KIF27: variants seen among roughly 807,000 people sequenced by gnomAD.
KIF27 encodes kinesin family member 27, also known as kinesin-like protein KIF27.
In KIF27, 84 loss-of-function variants were observed where a neutral mutation model predicts 141.8. The observed-to-expected ratio is 0.59, with a 90% CI of 0.50 to 0.71. KIF27 has a LOEUF of 0.71. Among genes scored for constraint, KIF27 ranks in the 30% least tolerant of loss-of-function variants. The probability of loss-of-function intolerance (pLI) is 0.00; values close to 1 mark genes in which losing one functional copy is unlikely to be tolerated. For synonymous variants in KIF27, 471 were observed against 569.5 expected (o/e 0.83, Z 2.46); for missense variants, 1,306 against 1,628.4 (o/e 0.80, Z 3.41).
chr9:83,916,967 ACT>A (rs1955757833), intron 1 of KIF27, among the ~76,000 whole-genome samples: 1 of 149,612 alleles, frequency 6.7e-6, no homozygotes, highest in East Asian at 2.0e-4. Flanking sequence ...ACGACAGAAC[ACT>A]CTTTTTTTTT....
intron 3 of KIF27, among the ~76,000 whole-genome samples, chr9:83,904,553 T>C (rs1954294270): frequency 6.6e-6 from 1 of 152,080 alleles, no homozygotes; most frequent in South Asian, 2.1e-4. Flanking sequence ...GTATTTTTAG[T>C]AGAGATGGGG....
At chr9:83,846,861 C>T (rs1947346503) in intron 16 of KIF27, among the ~76,000 whole-genome samples, 1 of 152,132 alleles carries the variant, frequency 6.6e-6, no homozygotes, top group Admixed American at 6.5e-5. Flanking sequence ...ACTTTGGGCT[C>T]CACCTACCGT....
intron 11 of KIF27, among the ~76,000 whole-genome samples, chr9:83,873,905 A>T (rs1950998065): frequency 6.6e-6 from 1 of 152,078 alleles, no homozygotes; most frequent in Admixed American, 6.6e-5. Flanking sequence ...CAAAAAAATT[A>T]GCCGGGTGTG....
intron 15 of KIF27, 35 bp from the exon 16 acceptor site, chr9:83,850,332 C>G: frequency 8.0e-7 from 1 of 1,255,620 alleles, no homozygotes; most frequent in East Asian, 2.3e-5. Context: ...TTAAGTGTGT[C>G]TTAGATAAGC....
At chr9:83,901,816 T>A (rs942487674) in intron 4 of KIF27, among the ~76,000 whole-genome samples, 3 of 151,750 alleles carry the variant, frequency 2.0e-5, no homozygotes, top group Non-Finnish European at 4.4e-5. Flanking sequence ...GAGGTTGCAG[T>A]GAGCCAAGAT....
chr9:83,899,305 C>T (rs1953602648), intron 5 of KIF27, among the ~76,000 whole-genome samples: 1 of 152,130 alleles, frequency 6.6e-6, no homozygotes, highest in South Asian at 2.1e-4. Context: ...TAATTTAATA[C>T]ATTTTAAAGT....
At chr9:83,854,174 T>C (rs1475808637) in intron 14 of KIF27, among the ~76,000 whole-genome samples, 2 of 152,198 alleles carry the variant, frequency 1.3e-5, no homozygotes, top group African/African-American at 2.4e-5. Flanking sequence ...CCACGGAATA[T>C]ACTTGAACAA....
intron 14 of KIF27, 124 bp from the exon 15 acceptor site, chr9:83,853,959 A>G (rs961351656): frequency 4.1e-6 from 3 of 739,912 alleles, no homozygotes; most frequent in South Asian, 1.8e-5. Flanking sequence ...AGATTTTAAG[A>G]AAATGTTTTT....
chr9:83,880,248 C>A (rs199650945), intron 11 of KIF27, 49 bp downstream of exon 11: 2 of 1,611,210 alleles, frequency 1.2e-6, no homozygotes, highest in Non-Finnish European at 1.7e-6. Context: ...TAGCTCTGAG[C>A]CGTTTAACAT....
chr9:83,918,330 G>GT (rs567699114), intron 1 of KIF27, among the ~76,000 whole-genome samples: 1 of 144,478 alleles, frequency 6.9e-6, no homozygotes, highest in Non-Finnish European at 1.5e-5. Flanking sequence ...AAATGGGGGG[G>GT]GGGCAGGACA....
At chr9:83,894,517 C>G (rs190094647) in intron 5 of KIF27, among the ~76,000 whole-genome samples, 414 of 152,304 alleles carry the variant, frequency 2.7e-3, no homozygotes, top group African/African-American at 6.6e-3. Flanking sequence ...GTGGTTTATG[C>G]TGTACACCTG....
At chr9:83,861,212 G>C (rs1381643252) in intron 13 of KIF27, among the ~76,000 whole-genome samples, 2 of 150,740 alleles carry the variant, frequency 1.3e-5, no homozygotes, top group African/African-American at 4.9e-5. Context: ...TAAGTTCTAG[G>C]GTACATGTGC....
Position 83,891,386 on chromosome 9 carries a change from G to A in KIF27, c.1718C>T (p.Ala573Val). ...ATATGGTCTCCTTTCAGGGATCCTG[G>A]CATCTGGCCCATCTCCACAATTTTC... ...AKENCGDGPDARIPERRPYTV... is the reference protein window; with the variant it reads ...AKENCGDGPDVRIPERRPYTV... Residue 573 changes from alanine to valine, a missense_variant, in exon 6 of 18, where the codon GCC becomes GTC. Ala to Val is a moderately conservative substitution (Grantham distance 64). This residue lies in a region of KIF27 where 596 missense variants were observed against 751.6 expected (regional missense o/e 0.79). Coordinates refer to ENST00000297814, the MANE Select transcript of KIF27 (RefSeq NM_017576.4). The A allele has an allele frequency of 6.2e-7, 1 of 1,613,830 alleles. No individual in the cohort carries two copies. The highest frequency in any genetic ancestry group is 8.5e-7 in the Non-Finnish European group (1 of 1,179,836).
intron 17 of KIF27, among the ~76,000 whole-genome samples, chr9:83,840,726 T>C (rs1253655064): frequency 2.0e-5 from 3 of 152,242 alleles, no homozygotes; most frequent in South Asian, 2.1e-4. Flanking sequence ...TTTAGCTATA[T>C]ATAGCAGACA....
chr9:83,870,727 T>C, intron 11 of KIF27, 95 bp from the exon 12 acceptor site: 1 of 1,272,548 alleles, frequency 7.9e-7, no homozygotes, highest in Non-Finnish European at 1.0e-6. Flanking sequence ...TTTTTTTTTT[T>C]GGAGACAAGC....
intron 11 of KIF27, among the ~76,000 whole-genome samples, chr9:83,872,012 T>C (rs1391322324): frequency 6.7e-6 from 1 of 148,820 alleles, no homozygotes; most frequent in African/African-American, 2.5e-5. Flanking sequence ...TCCATCCACA[T>C]CTTAAGGGTC....
In KIF27 at chr9:83,867,949, C is replaced by G. The variant is rs146282300; in HGVS notation, c.2758-89G>C. 3.3e-3 allele frequency: 4,239 copies of G among 1,283,060 alleles called. 138 individuals are homozygous for G. In the African/African-American group the frequency reaches 0.058, roughly 18 times the overall value. 79.5% of individuals were successfully genotyped at this position (1,283,060 alleles called of 1,614,324 possible). A position where few individuals can be genotyped will look rare whatever the true frequency, so the allele number is the denominator to read the frequency against. On this transcript the variant is annotated intron_variant, in intron 12 of 17. Coordinates refer to ENST00000297814, the MANE Select transcript of KIF27 (RefSeq NM_017576.4). Reference sequence around the variant, plus strand: ...AATAGAATTTCAGATTGGCTGAAATCTCTTAAATGAACATTTAAAAACTAT... The same window carrying G: ...AATAGAATTTCAGATTGGCTGAAATGTCTTAAATGAACATTTAAAAACTAT...
intron 13 of KIF27, among the ~76,000 whole-genome samples, chr9:83,865,094 T>G (rs1329539447): frequency 6.6e-6 from 1 of 152,054 alleles, no homozygotes; most frequent in Non-Finnish European, 1.5e-5. Context: ...GCCTAGAGCC[T>G]CACATTACTG....
At chr9:83,869,726 C>CA (rs1950619287) in intron 12 of KIF27, among the ~76,000 whole-genome samples, 1 of 150,834 alleles carries the variant, frequency 6.6e-6, no homozygotes, top group African/African-American at 2.4e-5. Flanking sequence ...GACTCTGTCT[C>CA]AAAAAAAATA....
Sources: gnomAD v4.1 joint callset for allele counts (sites outside exome capture counted in the v4.1 genomes callset) on GRCh38, gnomAD v4.1.1 for gene constraint, gnomAD v4.1.1 regional missense constraint, MANE v1.5 for transcripts, NCBI Gene and HGNC (gene_info 2026-07-23, HGNC 2026-07-21) for gene names.